The following UBA1 variants were observed in gnomAD, a reference collection of about 807,000 sequenced individuals.
UBA1 encodes ubiquitin like modifier activating enzyme 1.
In UBA1, 4 loss-of-function variants were observed where a neutral mutation model predicts 84.7. The observed-to-expected ratio is 0.05, with a 90% CI of 0.02 to 0.11. The LOEUF is 0.11. Among genes scored for constraint, UBA1 ranks in the 10% least tolerant of loss-of-function variants. UBA1 has a pLI of 1.00. For missense variants in UBA1, 513 were observed against 902.8 expected (o/e 0.57, Z 5.53); for synonymous variants, 364 against 362.6 (o/e 1.00, Z -0.04).
chrX:47,205,251 G>A, intron 14 of UBA1: 1 of 253,844 alleles, frequency 3.9e-6, no homozygotes, highest in Non-Finnish European at 7.7e-6. Flanking sequence ...AGCAGAGGAG[G>A]GACGTGGCCC....
At chrX:47,197,534 C>T (rs1235946995) in intron 1 of UBA1, 1 of 754,647 alleles carries the variant, frequency 1.3e-6, no homozygotes, top group East Asian at 1.5e-4. Context: ...TAGAGGAGCA[C>T]TTGGGGTGAG....
At chrX:47,209,294 C>T (rs1936818359) in intron 16 of UBA1, 4 of 417,954 alleles carry the variant, frequency 9.6e-6, no homozygotes, top group Non-Finnish European at 1.2e-5. Context: ...GCTGGGATTA[C>T]AGGCATCTGC....
chrX:47,211,131 C>A lies in UBA1; in HGVS notation c.2370C>A (p.Phe790Leu). The A allele has an allele frequency of 8.3e-7, 1 of 1,211,940 alleles. No individual in the cohort carries two copies. The highest frequency in any genetic ancestry group is 1.1e-6 in the Non-Finnish European group (1 of 895,580). ...AGGACCGAGCTGCTGTGGCCACATTCCTGCAGTCTGTGCAGGTCCCCGAAT... is the reference window on the plus strand; with the variant it reads ...AGGACCGAGCTGCTGTGGCCACATTACTGCAGTCTGTGCAGGTCCCCGAAT... ...GSQDRAAVAT[F>L]LQSVQVPEFT... is the part of the protein sequence containing the mutation. The change falls in exon 20 of 26, where the codon TTC becomes TTA. Residue 790 changes from phenylalanine to leucine, a missense_variant. By Grantham distance (22) the Phe-to-Leu change is conservative (BLOSUM62 0). Transcript: ENST00000335972.
chrX:47,205,328 G>C, intron 14 of UBA1: 1 of 301,871 alleles, frequency 3.3e-6, no homozygotes, highest in Non-Finnish European at 6.8e-6. Flanking sequence ...GGGGGAGTCT[G>C]CATCAATCCT....
rs1556792703 is a variant in UBA1 at position 47,209,601 on chromosome X, A to C, written c.1939-22A>C. On this transcript the variant is annotated intron_variant, in intron 16 of 25. Coordinates refer to ENST00000335972, the MANE Select transcript of UBA1 (RefSeq NM_003334.4). ...CATTTTGTCAACTGTGGCCACATGT[A>C]ATCTGTTTGCTCTGTCTGCAGTGGG... 6 of 1,207,537 alleles carry C rather than the reference A, an allele frequency of 5.0e-6. No homozygotes were observed. The South Asian group carries it at 8.8e-5, about 18-fold the overall frequency.
intron 16 of UBA1, 120 bp downstream of exon 16, chrX:47,206,564 C>T: frequency 2.8e-6 from 2 of 705,262 alleles, no homozygotes; most frequent in East Asian, 6.9e-5. Context: ...TGTGCCTTTT[C>T]TCCAAACCTC....
At chrX:47,209,405 T>C in intron 16 of UBA1, 1 of 514,914 alleles carries the variant, frequency 1.9e-6, no homozygotes, top group South Asian at 2.6e-5. Flanking sequence ...CCATCTGCCT[T>C]AGCCTCCCAA....
At chrX:47,200,776 G>A (rs1936379087) in intron 5 of UBA1, 118 bp from the exon 6 acceptor site, 2 of 551,957 alleles carry the variant, frequency 3.6e-6, no homozygotes, top group African/African-American at 2.2e-5. Context: ...TTGTGAAAGA[G>A]GCTGACCCAG....
chrX:47,209,432 G>T (rs1936825939), intron 16 of UBA1, 191 bp from the exon 17 acceptor site: 1 of 525,872 alleles, frequency 1.9e-6, no homozygotes, highest in Admixed American at 2.7e-5. Flanking sequence ...GGGATTACAG[G>T]TGTGAGCTAC....
At chrX:47,204,808 C>G (rs1936591429) in intron 14 of UBA1, 1 of 111,816 alleles carries the variant, frequency 8.9e-6, no homozygotes, top group African/African-American at 3.3e-5. Context: ...CTGTAAGGAG[C>G]AGTGTCGTTT....
chrX:47,214,249 G>A (rs1937049206), intron 23 of UBA1, 78 bp from the exon 24 acceptor site: 2 of 890,737 alleles, frequency 2.2e-6, no homozygotes, highest in Non-Finnish European at 1.7e-6. Context: ...TCTGCATGGG[G>A]GTAGGGGGGA....
intron 16 of UBA1, chrX:47,208,546 CTG>C (rs782650244): frequency 4.5e-5 from 5 of 111,046 alleles, no homozygotes; most frequent in Admixed American, 9.6e-5. Context: ...TTTTAAAAAA[CTG>C]TGGTAAGATA....
rs12836876 is a variant in UBA1, at chrX:47,204,140, T to G, written c.1575+444T>G. 9.8e-4 allele frequency among the ~76,000 whole-genome samples: 10 copies of G among 10,184 alleles called. No homozygotes were observed. The East Asian group carries it at 0.027, about 27-fold the overall frequency. 8.8% of individuals were successfully genotyped at this position (10,184 alleles called of 115,157 possible). A position where few individuals can be genotyped will look rare whatever the true frequency, so the allele number is the denominator to read the frequency against. On this transcript the variant is annotated intron_variant, in intron 14 of 25. Coordinates refer to ENST00000335972, the MANE Select transcript of UBA1 (RefSeq NM_003334.4). ...TGGCCTTTCTTTCCCTCAGCTTCTG[T>G]TTTTTTTTTTTTTTTTTTTTTTTTT...
chrX:47,194,825 C>T (rs926024857), intron 1 of UBA1, among the ~76,000 whole-genome samples: 2 of 112,483 alleles, frequency 1.8e-5, no homozygotes, highest in Non-Finnish European at 3.8e-5. Context: ...GCTTTTTATA[C>T]TTCCAGTATT....
Position 47,210,126 on chromosome X carries a change from A to G in UBA1, c.2199+3A>G, listed in dbSNP as rs935436106. ...TGCACAACTTCCCTCCTGACCAGGT[A>G]ATGCCCAGTTGTTGGGTCCATTTGG... On this transcript the variant is annotated splice_donor_region_variant and intron_variant, in intron 18 of 25. Coordinates refer to ENST00000335972, the MANE Select transcript of UBA1 (RefSeq NM_003334.4). The G allele has an allele frequency of 8.3e-7, 1 of 1,211,840 alleles. No individual in the cohort carries two copies. Among genetic ancestry groups the G allele is most frequent in the South Asian group, 1.8e-5 (1 of 56,990 alleles).
At chrX:47,205,472 G>A (rs1936627252) in intron 14 of UBA1, 1 of 343,578 alleles carries the variant, frequency 2.9e-6, no homozygotes, top group African/African-American at 2.6e-5. Context: ...TCCTGGCCAT[G>A]TGGCATTGTC....
Position 47,214,978 on chromosome X carries a change from C to T in UBA1, c.*49C>T, listed in dbSNP as rs1556794844. 1.7e-6 allele frequency: 2 copies of T among 1,203,518 alleles called. No homozygotes were observed. The highest frequency in any genetic ancestry group is 5.9e-5 in the East Asian group (2 of 33,820). On this transcript the variant is annotated 3_prime_UTR_variant, in exon 26 of 26. Transcript: ENST00000335972. ...CCCCTTGTCCACCCCTCTCCACACC[C>T]CTTCCAGCCCAGGGTTCCCATTTGG...
At chrX:47,201,723 A>G in intron 8 of UBA1, 113 bp downstream of exon 8, 1 of 919,928 alleles carries the variant, frequency 1.1e-6, no homozygotes, top group South Asian at 2.1e-5. Context: ...GGGAAGACAC[A>G]TCCTGGTGTT....
chrX:47,206,458 G>T lies in UBA1; in HGVS notation c.1938+14G>T, dbSNP rs1936678628. On this transcript the variant is annotated intron_variant, in intron 16 of 25. Transcript: ENST00000335972. ...CACACCCTGCAGGTGATAAGCTGTGGGAGAAGGGAAAGAGGCCAGGCATCT... is the reference window on the plus strand; with the variant it reads ...CACACCCTGCAGGTGATAAGCTGTGTGAGAAGGGAAAGAGGCCAGGCATCT... The T allele has an allele frequency of 8.3e-7, 1 of 1,210,194 alleles. No homozygotes were observed. The highest frequency in any genetic ancestry group is 1.7e-5 in the African/African-American group (1 of 57,919).
Sources: allele counts gnomAD v4.1 joint callset (sites outside exome capture counted in the v4.1 genomes callset), GRCh38; gene constraint gnomAD v4.1.1; transcripts MANE v1.5; gene names NCBI Gene and HGNC (gene_info 2026-07-23, HGNC 2026-07-21).